The following PTPRU variants were observed in gnomAD, a reference collection of about 807,000 sequenced individuals.
PTPRU encodes the protein protein tyrosine phosphatase receptor type U.
PTPRU carries 69 observed loss-of-function variants against 166.3 expected under a neutral mutation model. That is an observed-to-expected ratio of 0.41 (90% CI 0.34 to 0.51). PTPRU has a LOEUF of 0.51. Among genes scored for constraint, PTPRU ranks in the 20% least tolerant of loss-of-function variants. PTPRU has a pLI of 0.09. For missense variants in PTPRU, 1,657 were observed against 2,013.7 expected (o/e 0.82, Z 3.39); for synonymous variants, 793 against 814.0 (o/e 0.97, Z 0.44).
intron 5 of PTPRU, 36 bp downstream of exon 5, chr1:29,259,600 T>TGTTTGGGGGGGGGGGGGGGGGG: frequency 7.9e-6 from 2 of 253,682 alleles, no homozygotes; most frequent in Non-Finnish European, 1.5e-5. Context: ...GGGGGCGGGG[T>TGTTTGGGGGGGGGGGGGGGGGG]GGGAGGGGGT....
At chr1:29,254,959 T>C (rs918099234) in intron 1 of PTPRU, among the ~76,000 whole-genome samples, 1 of 152,138 alleles carries the variant, frequency 6.6e-6, no homozygotes, top group Non-Finnish European at 1.5e-5. Context: ...GTTCCAATAA[T>C]ATAGCAATCC....
chr1:29,261,054 C>A, intron 7 of PTPRU, 151 bp downstream of exon 7: 1 of 939,336 alleles, frequency 1.1e-6, no homozygotes, highest in Non-Finnish European at 1.5e-6. Context: ...ATAATGATAG[C>A]TAATACTTTA....
chr1:29,269,246 A>ATTTTTT (rs1175870568), intron 7 of PTPRU, among the ~76,000 whole-genome samples: 233 of 20,590 alleles, frequency 0.011, 68 homozygotes, highest in Non-Finnish European at 0.02. Flanking sequence ...ATATATATAT[A>ATTTTTT]TTTTTTTTTT....
intron 15 of PTPRU, among the ~76,000 whole-genome samples, chr1:29,299,430 GA>G (rs1294113949): frequency 3.9e-5 from 6 of 152,288 alleles, no homozygotes; most frequent in South Asian, 2.1e-4. Flanking sequence ...GGAGAGTAGG[GA>G]CCTGTCCTCT....
chr1:29,291,915 A>G lies in PTPRU; in HGVS notation c.2365A>G (p.Lys789Glu). ...TKATVNYRQE[K>E]THMMSAVDRS... The stretch of plus-strand genomic sequence containing the variant: ...GGCCACCGTCAACTACCGCCAGGAG[A>G]AGACACACATGATGAGCGCCGTGGA... Residue 789 changes from lysine (K) to glutamate (E), a missense_variant, in exon 15 of 30, where the codon AAG becomes GAG. Physicochemically the swap from Lys to Glu is moderately conservative, Grantham distance 56 (BLOSUM62 1). Around this residue, in one of 3 missense-constraint regions of PTPRU, gnomAD observed 1,190 missense variants for 1,477.4 expected, o/e 0.81. Coordinates refer to ENST00000373779, the MANE Select transcript of PTPRU (RefSeq NM_133178.4). The surrounding 1 kb of genome is among the most constrained non-coding windows in gnomAD (Gnocchi z 4.1). 6.2e-7 allele frequency: 1 copy of G among 1,614,058 alleles called. No individual in the cohort carries two copies. The highest frequency in any genetic ancestry group is 8.5e-7 in the Non-Finnish European group (1 of 1,179,998).
Position 29,315,949 on chromosome 1 carries a change from A to G in PTPRU, c.3364-53A>G. 6.3e-7 allele frequency: 1 copy of G among 1,599,350 alleles called. No individual in the cohort carries two copies. The highest frequency in any genetic ancestry group is 8.5e-7 in the Non-Finnish European group (1 of 1,171,002). ...GAGCTTGCTTAAGCCCCATCACCAC[A>G]GATCTCCAGCTTCTAGGCCCCTCCT... On this transcript the variant is annotated intron_variant, in intron 23 of 29. Coordinates refer to ENST00000373779, the MANE Select transcript of PTPRU (RefSeq NM_133178.4). The surrounding 1 kb of genome is among the most constrained non-coding windows in gnomAD (Gnocchi z 4.5).
At chr1:29,318,029 G>A in intron 25 of PTPRU, 108 bp downstream of exon 25, 1 of 1,404,440 alleles carries the variant, frequency 7.1e-7, no homozygotes, top group South Asian at 1.3e-5. Flanking sequence ...GGGGACCCCT[G>A]CCCATTCTGG....
At chr1:29,272,774 G>A (rs1460038008) in intron 7 of PTPRU, among the ~76,000 whole-genome samples, 3 of 151,810 alleles carry the variant, frequency 2.0e-5, no homozygotes, top group African/African-American at 7.3e-5. Context: ...GGGCTTGGTG[G>A]TACGCACCTG....
At position 29,316,115 on chromosome 1, in the gene PTPRU, T is replaced by A; in HGVS notation, c.3477T>A (p.Pro1159=). The part of the protein sequence containing the change: ...ATYKEMIRID[P]QSNSSQLREE... ...ACAAGGAGATGATCCGCATTGATCC[T>A]CAGAGTAATTCCTCCCAGCTGCGGG... Residue 1159 remains proline (P), a synonymous_variant, in exon 24 of 30, where the codon CCT becomes CCA. Transcript: ENST00000373779. The A allele has an allele frequency of 1.9e-6, 3 of 1,614,196 alleles. No individual in the cohort carries two copies. Among genetic ancestry groups the A allele is most frequent in the Non-Finnish European group, 2.5e-6 (3 of 1,180,022 alleles).
intron 7 of PTPRU, among the ~76,000 whole-genome samples, chr1:29,272,871 C>T (rs1685623887): frequency 7.1e-6 from 1 of 140,984 alleles, no homozygotes. Context: ...CCTGCCACTG[C>T]ACTCCAGCTT....
In PTPRU at chr1:29,279,147, G is replaced by A; in HGVS notation, c.1563+26G>A. 1 of 1,521,980 alleles carries A rather than the reference G, an allele frequency of 6.6e-7. No individual in the cohort carries two copies. Among genetic ancestry groups the A allele is most frequent in the Non-Finnish European group, 8.9e-7 (1 of 1,119,162 alleles). The allele number at this position is 1,521,980 out of a possible 1,614,324, so 94.3% of individuals were successfully genotyped here. ...GTGGGTTTGGGACCCTATTACAGTG[G>A]GGGACCCTGGTGGAAGGTGAGAGGT... is the stretch of plus-strand genomic sequence containing the variant. On this transcript the variant is annotated intron_variant, in intron 9 of 29. Transcript: ENST00000373779. The surrounding 1 kb of genome is among the most constrained non-coding windows in gnomAD (Gnocchi z 5.2).
chr1:29,246,173 G>A (rs924294590), intron 1 of PTPRU, among the ~76,000 whole-genome samples: 2 of 152,270 alleles, frequency 1.3e-5, no homozygotes, highest in African/African-American at 4.8e-5. Context: ...CATGTGCACT[G>A]CTTTGCTGCA....
chr1:29,241,894 TTTC>T (rs1443375369), intron 1 of PTPRU, among the ~76,000 whole-genome samples: 3 of 144,654 alleles, frequency 2.1e-5, no homozygotes, highest in African/African-American at 7.8e-5. Context: ...CGCACGGCCT[TTTC>T]TTCTTTTTTA....
intron 1 of PTPRU, among the ~76,000 whole-genome samples, chr1:29,250,151 C>A (rs1684485891): frequency 6.6e-6 from 1 of 152,192 alleles, no homozygotes; most frequent in Non-Finnish European, 1.5e-5. Context: ...GGCCCCCTCC[C>A]CTGGACCCCC....
Position 29,279,450 on chromosome 1 carries a change from C to T in PTPRU, c.1564-6C>T, listed in dbSNP as rs1685959478. ...GTGCCCACCTGCCTGCCAATCCTGC[C>T]CCCAGATCAGCTACCAGAGCATCGA... On this transcript the variant is annotated splice_polypyrimidine_tract_variant and splice_region_variant and intron_variant, in intron 9 of 29. Transcript: ENST00000373779. This position sits in a 1 kb window ranked among gnomAD's most constrained non-coding sequence, Gnocchi z 5.2. 1.2e-6 allele frequency: 2 copies of T among 1,613,894 alleles called. No individual in the cohort carries two copies. Among genetic ancestry groups the T allele is most frequent in the Non-Finnish European group, 1.7e-6 (2 of 1,179,834 alleles).
At chr1:29,244,618 A>G (rs1684209961) in intron 1 of PTPRU, among the ~76,000 whole-genome samples, 1 of 152,068 alleles carries the variant, frequency 6.6e-6, no homozygotes. Flanking sequence ...GTGGTGGTTA[A>G]GAGCATGGGT....
At chr1:29,258,102 C>T (rs1169321678) in intron 2 of PTPRU, among the ~76,000 whole-genome samples, 2 of 152,216 alleles carry the variant, frequency 1.3e-5, no homozygotes, top group South Asian at 2.1e-4. Context: ...GTAGCTGGGA[C>T]TACAGGCACA....
At chr1:29,256,942 TGTG>T (rs927748354) in intron 2 of PTPRU, among the ~76,000 whole-genome samples, 3 of 152,220 alleles carry the variant, frequency 2.0e-5, no homozygotes, top group African/African-American at 7.2e-5. Flanking sequence ...GTCTTGAGGA[TGTG>T]GTGGTGAGCC....
chr1:29,265,143 A>G (rs951460502), intron 7 of PTPRU, among the ~76,000 whole-genome samples: 14 of 151,920 alleles, frequency 9.2e-5, no homozygotes, highest in African/African-American at 3.2e-4. Flanking sequence ...AATGAGTCAT[A>G]TGGTGATTGC....
Sources: allele counts gnomAD v4.1 joint callset (sites outside exome capture counted in the v4.1 genomes callset), GRCh38; gene constraint gnomAD v4.1.1; regional missense constraint gnomAD v4.1.1; non-coding constraint Gnocchi (gnomAD v3.1); transcripts MANE v1.5; gene names NCBI Gene and HGNC (gene_info 2026-07-23, HGNC 2026-07-21).